The following ZSWIM9 variants were observed in gnomAD, a reference collection of about 807,000 sequenced individuals.
The protein encoded by ZSWIM9 is zinc finger SWIM-type containing 9, also known as uncharacterized protein ZSWIM9.
Under a neutral mutation model 25.0 loss-of-function variants are expected in ZSWIM9, and 11 were observed. The observed-to-expected ratio is 0.44, with a 90% CI of 0.28 to 0.73. The LOEUF is 0.73. Among genes scored for constraint, ZSWIM9 ranks in the 30% least tolerant of loss-of-function variants. The pLI, the probability that ZSWIM9 is intolerant of heterozygous loss-of-function variation, is 0.16. For missense variants in ZSWIM9, 1,070 were observed against 1,296.5 expected, an observed-to-expected ratio of 0.83 and a Z score of 2.68; for synonymous variants, 562 against 582.1, an observed-to-expected ratio of 0.97 and a Z score of 0.50.
chr19:48,196,411 G>T lies in ZSWIM9; in HGVS notation c.2347G>T (p.Ala783Ser). Residue 783 changes from alanine to serine, a missense_variant, in exon 4 of 4, where the codon GCG becomes TCG. Ala to Ser is a moderately conservative substitution (Grantham distance 99). Transcript: ENST00000614654. ...ATTGGAAGGCAGCCCAGAATGGGCA[G>T]CGGCGAGGAGTGAACACCTGGCTGC... The part of the protein sequence containing the change: ...TVLEGSPEWA[A>S]ARSEHLAAGD... The T allele has an allele frequency of 8.1e-7, 1 of 1,232,426 alleles. No homozygotes were observed. The allele number at this position is 1,232,426 out of a possible 1,614,324, so 76.3% of individuals were successfully genotyped here. A position where few individuals can be genotyped will look rare whatever the true frequency, so the allele number is the denominator to read the frequency against.
At position 48,182,396 on chromosome 19, in the gene ZSWIM9, G is replaced by T; in HGVS notation, c.276-59G>T. ...TTTAAAAAAAAAAAAAAGGTGAGTG[G>T]AAAGGAAGAAGAGGGCAGCAGAGTG... On this transcript the variant is annotated intron_variant, in intron 2 of 3. Transcript: ENST00000614654. The surrounding 1 kb of genome is among the most constrained non-coding windows in gnomAD (Gnocchi z 4.6). The T allele has an allele frequency of 3.0e-6, 4 of 1,322,412 alleles. No homozygotes were observed. Among genetic ancestry groups the T allele is most frequent in the East Asian group, 5.1e-5 (2 of 39,438 alleles). 81.9% of individuals were successfully genotyped at this position (1,322,412 alleles called of 1,614,324 possible). A position where few individuals can be genotyped will look rare whatever the true frequency, so the allele number is the denominator to read the frequency against.
In ZSWIM9 at chr19:48,195,600, TGAGAAGGG is replaced by T. The variant is rs1477308463; in HGVS notation, c.1540_1547del (p.Lys514GlyfsTer41). 7.1e-7 allele frequency: 1 copy of T among 1,411,720 alleles called. No individual in the cohort carries two copies. The highest frequency in any genetic ancestry group is 9.2e-7 in the Non-Finnish European group (1 of 1,089,044). 87.4% of individuals were successfully genotyped at this position (1,411,720 alleles called of 1,614,324 possible). On this transcript the variant is annotated frameshift_variant, in exon 4 of 4. Coordinates refer to ENST00000614654, the MANE Select transcript of ZSWIM9 (RefSeq NM_199341.4). LOFTEE classifies it low-confidence loss of function (END_TRUNC). This position sits in a 1 kb window ranked among gnomAD's most constrained non-coding sequence, Gnocchi z 5.8. ...ACTGGGGCGGGGCTCAGTTCGAAGG[TGAGAAGGG>T]GAGGGCACTGCAGATCAGAGATTGG...
chr19:48,187,416 ATTATATAT>A lies in ZSWIM9; in HGVS notation c.588+4651_588+4658del, dbSNP rs1310974305. On this transcript the variant is annotated intron_variant, in intron 3 of 3. Transcript: ENST00000614654. The stretch of plus-strand genomic sequence containing the variant: ...TATATTATATTAATTATATATTATA[ATTATATAT>A]TATATTATATTATATATATTATATA... Among the ~76,000 whole-genome samples, 4 of 73,818 alleles carry A rather than the reference ATTATATAT, an allele frequency of 5.4e-5. No individual in the cohort carries two copies. In the East Asian group the frequency reaches 1.9e-3, roughly 35 times the overall value. The allele number at this position is 73,818 out of a possible 152,430, so 48.4% of individuals were successfully genotyped here.
chr19:48,181,555 A>G (rs4802436), intron 2 of ZSWIM9: 22,262 of 152,278 alleles, frequency 0.15, 2,097 homozygotes, highest in Middle Eastern at 0.26. Flanking sequence ...TAGTGCTGCT[A>G]TGAACATTCT....
At position 48,172,087 on chromosome 19, in the gene ZSWIM9, C is replaced by G; in HGVS notation, c.275+10C>G. ...GCCGGCCCGCCGTGGGGTGCGTGAACCTGAGCCGCTGTCCTGCTGGGGGGA... is the reference window on the plus strand; with the variant it reads ...GCCGGCCCGCCGTGGGGTGCGTGAAGCTGAGCCGCTGTCCTGCTGGGGGGA... On this transcript the variant is annotated intron_variant, in intron 2 of 3. Transcript: ENST00000614654. 2 of 1,507,372 alleles carry G rather than the reference C, an allele frequency of 1.3e-6. No individual in the cohort carries two copies. The highest frequency in any genetic ancestry group is 1.8e-6 in the Non-Finnish European group (2 of 1,127,772). The allele number at this position is 1,507,372 out of a possible 1,614,324, so 93.4% of individuals were successfully genotyped here.
At chr19:48,174,035 T>C (rs1470360945) in intron 2 of ZSWIM9, among the ~76,000 whole-genome samples, 2 of 151,992 alleles carry the variant, frequency 1.3e-5, no homozygotes, top group Non-Finnish European at 2.9e-5. Flanking sequence ...CGGCCACCCC[T>C]CTTGGATGGG....
In ZSWIM9 at chr19:48,194,962, G is replaced by A; in HGVS notation, c.898G>A (p.Ala300Thr). 2 of 1,331,126 alleles carry A rather than the reference G, an allele frequency of 1.5e-6. No individual in the cohort carries two copies. Among genetic ancestry groups the A allele is most frequent in the Non-Finnish European group, 1.9e-6 (2 of 1,043,226 alleles). 82.5% of individuals were successfully genotyped at this position (1,331,126 alleles called of 1,614,324 possible). Residue 300 changes from alanine to threonine, a missense_variant, in exon 4 of 4, where the codon GCG (alanine) becomes ACG (threonine). Ala to Thr is a moderately conservative substitution (Grantham distance 58, BLOSUM62 0). Coordinates refer to ENST00000614654, the MANE Select transcript of ZSWIM9 (RefSeq NM_199341.4). The surrounding 1 kb of genome is among the most constrained non-coding windows in gnomAD (Gnocchi z 6.0). ...RCLTAGPEVA[A>T]QLPAVRQLLP... ...CCTCACCGCCGGGCCCGAGGTGGCG[G>A]CGCAGTTGCCTGCAGTGCGCCAGCT...
intron 3 of ZSWIM9, among the ~76,000 whole-genome samples, chr19:48,187,944 A>ATAGG (rs2037050131): frequency 8.2e-6 from 1 of 121,518 alleles, no homozygotes; most frequent in Non-Finnish European, 1.8e-5. Context: ...CTTTAAATAG[A>ATAGG]TAGATAGATA....
chr19:48,192,468 A>AT (rs1173330681), intron 3 of ZSWIM9, among the ~76,000 whole-genome samples: 338 of 23,634 alleles, frequency 0.014, 45 homozygotes, highest in Middle Eastern at 0.036. Flanking sequence ...AAAAAAAAAA[A>AT]AAAAAAAAAA....
At position 48,196,852 on chromosome 19, in the gene ZSWIM9, C is replaced by G; in HGVS notation, c.*25C>G. 8.0e-7 allele frequency: 1 copy of G among 1,246,698 alleles called. No individual in the cohort carries two copies. Among genetic ancestry groups the G allele is most frequent in the Non-Finnish European group, 1.0e-6 (1 of 996,906 alleles). 77.2% of individuals were successfully genotyped at this position (1,246,698 alleles called of 1,614,324 possible). On this transcript the variant is annotated 3_prime_UTR_variant, in exon 4 of 4. Coordinates refer to ENST00000614654, the MANE Select transcript of ZSWIM9 (RefSeq NM_199341.4). ...ACCCTTCATGCCTCTGCCCACCACC[C>G]TCCACCAGGAGGGTCGGAGGGCATT...
chr19:48,187,479 TTA>T (rs1491246048), intron 3 of ZSWIM9, among the ~76,000 whole-genome samples: 1 of 66,406 alleles, frequency 1.5e-5, no homozygotes, highest in African/African-American at 6.5e-5. Context: ...ATTATATATA[TTA>T]TATATTATAT....
At chr19:48,192,498 TACACACACACACACAC>T (rs1555787892) in intron 3 of ZSWIM9, among the ~76,000 whole-genome samples, 1 of 20,766 alleles carries the variant, frequency 4.8e-5, no homozygotes, top group African/African-American at 1.4e-4. Flanking sequence ...TATATATATA[TACACACACACACACAC>T]ACACATTTAC....
intron 1 of ZSWIM9, chr19:48,171,467 A>C: frequency 1.2e-6 from 1 of 851,970 alleles, no homozygotes; most frequent in Non-Finnish European, 1.4e-6. Flanking sequence ...GATGTCCTTA[A>C]GGGACATCTG....
In ZSWIM9 at chr19:48,195,198, G is replaced by T. The variant is rs758903126; in HGVS notation, c.1134G>T (p.Glu378Asp). Reference protein sequence around the residue: ...HGPAAFVDYFERNWEPRRDMW... With the variant: ...HGPAAFVDYFDRNWEPRRDMW... ...CAGCCGCCTTCGTGGACTACTTCGA[G>T]CGCAACTGGGAGCCCCGCCGCGACA... The change falls in exon 4 of 4, where the codon GAG becomes GAT. Residue 378 changes from glutamate to aspartate, a missense_variant. By Grantham distance (45) the Glu-to-Asp change is conservative. Transcript: ENST00000614654. The surrounding 1 kb of genome is among the most constrained non-coding windows in gnomAD (Gnocchi z 5.8). 1.3e-6 allele frequency: 2 copies of T among 1,525,970 alleles called. No homozygotes were observed. Among genetic ancestry groups the T allele is most frequent in the East Asian group, 5.0e-5 (2 of 39,954 alleles). The allele number at this position is 1,525,970 out of a possible 1,614,324, so 94.5% of individuals were successfully genotyped here.
At position 48,195,476 on chromosome 19, in the gene ZSWIM9, G is replaced by T; in HGVS notation, c.1412G>T (p.Gly471Val). The change falls in exon 4 of 4, where the codon GGC becomes GTC. Residue 471 changes from glycine to valine, a missense_variant. Gly to Val is a moderately radical substitution (Grantham distance 109, BLOSUM62 -3). Transcript: ENST00000614654. This position sits in a 1 kb window ranked among gnomAD's most constrained non-coding sequence, Gnocchi z 5.8. The stretch of plus-strand genomic sequence containing the variant: ...CAGGGGGAGAACGAGAGGGTGAGGG[G>T]CCTGGAGACAGGCGACTGGGGAGGG... ...GAQGENERVR[G>V]LETGDWGGAP... 7.0e-7 allele frequency: 1 copy of T among 1,420,266 alleles called. No individual in the cohort carries two copies. The highest frequency in any genetic ancestry group is 9.1e-7 in the Non-Finnish European group (1 of 1,094,578). 88.0% of individuals were successfully genotyped at this position (1,420,266 alleles called of 1,614,324 possible). A position where few individuals can be genotyped will look rare whatever the true frequency, so the allele number is the denominator to read the frequency against.
intron 2 of ZSWIM9, among the ~76,000 whole-genome samples, chr19:48,175,156 A>C (rs540622313): frequency 1.5e-4 from 23 of 152,298 alleles, no homozygotes; most frequent in African/African-American, 5.3e-4. Flanking sequence ...GCTAACAGAC[A>C]CACTAGGTTT....
intron 2 of ZSWIM9, among the ~76,000 whole-genome samples, chr19:48,179,953 T>G (rs1467956491): frequency 6.6e-6 from 1 of 152,216 alleles, no homozygotes; most frequent in Non-Finnish European, 1.5e-5. Flanking sequence ...AGAATCTGCT[T>G]CCTTATCCTT....
intron 2 of ZSWIM9, 65 bp downstream of exon 2, chr19:48,172,142 G>GGGGGGA: frequency 1.8e-6 from 1 of 546,424 alleles, no homozygotes; most frequent in African/African-American, 1.9e-5. Context: ...GTGTGGGTGG[G>GGGGGGA]AGACGGGCAG....
chr19:48,172,142 G>A, intron 2 of ZSWIM9, 65 bp downstream of exon 2: 6 of 546,416 alleles, frequency 1.1e-5, no homozygotes, highest in East Asian at 8.0e-5. Flanking sequence ...GTGTGGGTGG[G>A]AGACGGGCAG....
Sources: gnomAD v4.1 joint callset for allele counts (sites outside exome capture counted in the v4.1 genomes callset) on GRCh38, gnomAD v4.1.1 for gene constraint, Gnocchi (gnomAD v3.1) non-coding constraint, MANE v1.5 for transcripts, NCBI Gene and HGNC (gene_info 2026-07-23, HGNC 2026-07-21) for gene names.